Variants in COBL observed in about 807,000 individuals in gnomAD.
COBL encodes cordon-bleu WH2 repeat protein.
In COBL, 51 loss-of-function variants were observed where a neutral mutation model predicts 98.8. The ratio of observed to expected loss-of-function variants is 0.52; its 90% CI spans 0.41 to 0.65. The LOEUF (loss-of-function observed/expected upper bound fraction) is 0.65. Ranked by LOEUF, COBL falls within the 30% of genes least tolerant of loss-of-function variation. The probability of loss-of-function intolerance (pLI) is 0.00; values close to 1 mark genes in which losing one functional copy is unlikely to be tolerated. For synonymous variants in COBL, 634 were observed against 651.7 expected (o/e 0.97, Z 0.41); for missense variants, 1,617 against 1,617.5 (o/e 1.00, Z 0.01).
In COBL at chr7:51,017,412, C is replaced by A; in HGVS notation, c.*139G>T. Reference sequence around the variant, plus strand: ...TTCAAGCCGTTATACAGGAACACACCGAAAATCAACTGTGCGCATTTGGCC... The same window carrying A: ...TTCAAGCCGTTATACAGGAACACACAGAAAATCAACTGTGCGCATTTGGCC... On this transcript the variant is annotated 3_prime_UTR_variant, in exon 13 of 13. Coordinates refer to ENST00000265136, the MANE Select transcript of COBL (RefSeq NM_015198.5). 1 of 779,766 alleles carries A rather than the reference C, an allele frequency of 1.3e-6. No individual in the cohort carries two copies. The highest frequency in any genetic ancestry group is 2.5e-5 in the East Asian group (1 of 39,710). 48.3% of individuals were successfully genotyped at this position (779,766 alleles called of 1,614,324 possible). A position where few individuals can be genotyped will look rare whatever the true frequency, so the allele number is the denominator to read the frequency against.
chr7:51,266,994 G>A (rs1798274980), intron 1 of COBL, among the ~76,000 whole-genome samples: 1 of 152,048 alleles, frequency 6.6e-6, no homozygotes, highest in African/African-American at 2.4e-5. Context: ...TTGTATCATG[G>A]TCAGGATTTC....
chr7:51,049,298 C>T lies in COBL; in HGVS notation c.1097-5606G>A, dbSNP rs546544597. ...GGTTTGCCCATCTCAGGAAAGTGCA[C>T]CCCAGTGAGTTTCCTGATGGGTGAG... On this transcript the variant is annotated intron_variant, in intron 7 of 12. Coordinates refer to ENST00000265136, the MANE Select transcript of COBL (RefSeq NM_015198.5). Among the ~76,000 whole-genome samples, 11 of 152,244 alleles carry T rather than the reference C, an allele frequency of 7.2e-5. No individual in the cohort carries two copies. The East Asian group carries it at 1.7e-3, about 24-fold the overall frequency.
chr7:51,130,472 A>G (rs1047039759), intron 6 of COBL, among the ~76,000 whole-genome samples: 2 of 152,246 alleles, frequency 1.3e-5, no homozygotes, highest in Non-Finnish European at 2.9e-5. Context: ...AGAAGTCTGC[A>G]AAGATGAGTA....
intron 6 of COBL, among the ~76,000 whole-genome samples, chr7:51,121,230 T>C (rs548502835): frequency 6.6e-6 from 1 of 152,356 alleles, no homozygotes; most frequent in East Asian, 1.9e-4. Flanking sequence ...GGGTATGAGA[T>C]GGTATCTCAT....
intron 5 of COBL, among the ~76,000 whole-genome samples, chr7:51,142,856 G>A (rs988181897): frequency 6.6e-6 from 1 of 152,124 alleles, no homozygotes; most frequent in East Asian, 1.9e-4. Flanking sequence ...AAATTAAAAG[G>A]AAATGAGCCC....
At chr7:51,099,911 G>T (rs1795663095) in intron 6 of COBL, among the ~76,000 whole-genome samples, 1 of 152,048 alleles carries the variant, frequency 6.6e-6, no homozygotes. Flanking sequence ...TAACTTGTAA[G>T]ACTTTTCTAG....
At chr7:51,119,702 C>T (rs973800934) in intron 6 of COBL, among the ~76,000 whole-genome samples, 1 of 152,098 alleles carries the variant, frequency 6.6e-6, no homozygotes, top group African/African-American at 2.4e-5. Context: ...AGATGTTCAC[C>T]AAATTATTCC....
chr7:51,128,590 A>G (rs938465913), intron 6 of COBL, among the ~76,000 whole-genome samples: 1 of 152,216 alleles, frequency 6.6e-6, no homozygotes, highest in Non-Finnish European at 1.5e-5. Context: ...TTGTGTGGCC[A>G]TTGCACCCAT....
intron 5 of COBL, among the ~76,000 whole-genome samples, chr7:51,154,596 T>C (rs1785920205): frequency 6.6e-6 from 1 of 152,150 alleles, no homozygotes; most frequent in Non-Finnish European, 1.5e-5. Flanking sequence ...TGTGGGCACC[T>C]CCCCTCCTCT....
chr7:51,111,111 A>G (rs1172113874), intron 6 of COBL, among the ~76,000 whole-genome samples: 1 of 152,186 alleles, frequency 6.6e-6, no homozygotes, highest in Non-Finnish European at 1.5e-5. Flanking sequence ...AGGTGATACC[A>G]TATCTTGACT....
chr7:51,094,394 AAGTT>A (rs1795093074), intron 6 of COBL, among the ~76,000 whole-genome samples: 1 of 152,178 alleles, frequency 6.6e-6, no homozygotes, highest in Non-Finnish European at 1.5e-5. Flanking sequence ...CCACAAAAAA[AAGTT>A]AGTGAGGTAA....
At position 51,028,842 on chromosome 7, in the gene COBL, G is replaced by A. The variant is rs1270196044; in HGVS notation, c.2254C>T (p.Leu752=). 6.2e-7 allele frequency: 1 copy of A among 1,614,250 alleles called. No individual in the cohort carries two copies. Among genetic ancestry groups the A allele is most frequent in the Non-Finnish European group, 8.5e-7 (1 of 1,180,044 alleles). Residue 752 remains leucine (L), a synonymous_variant, in exon 10 of 13, where the codon CTG becomes TTG. Coordinates refer to ENST00000265136, the MANE Select transcript of COBL (RefSeq NM_015198.5). ...PHATGIRIIS[L]SSSVPEAESQ... is the part of the protein sequence containing the mutation. ...TCTGCTTCAGGCACAGACGAAGACA[G>A]GGAAATGATCCTGATGCCGGTGGCG...
At chr7:51,111,730 C>T (rs192381626) in intron 6 of COBL, among the ~76,000 whole-genome samples, 277 of 152,272 alleles carry the variant, frequency 1.8e-3, no homozygotes, top group African/African-American at 5.9e-3. Flanking sequence ...TCTTCTTAGA[C>T]GGGGCCTCCT....
intron 6 of COBL, among the ~76,000 whole-genome samples, chr7:51,092,910 A>G (rs933717681): frequency 6.7e-6 from 1 of 149,788 alleles, no homozygotes; most frequent in Non-Finnish European, 1.5e-5. Context: ...ATCCATGAAC[A>G]TGAAACATCT....
intron 1 of COBL, among the ~76,000 whole-genome samples, chr7:51,265,655 G>A (rs1226057766): frequency 6.6e-6 from 1 of 152,210 alleles, no homozygotes; most frequent in African/African-American, 2.4e-5. Context: ...GGTGCCCAGA[G>A]GGGAAGAAGG....
intron 4 of COBL, chr7:51,188,078 G>A (rs1789719784): frequency 1.3e-6 from 1 of 796,494 alleles, no homozygotes; most frequent in Non-Finnish European, 1.7e-6. Flanking sequence ...CAGTGAGAAG[G>A]TCTCTTGCTG....
At chr7:51,261,064 G>C (rs1430652947) in intron 1 of COBL, among the ~76,000 whole-genome samples, 1 of 152,136 alleles carries the variant, frequency 6.6e-6, no homozygotes, top group Non-Finnish European at 1.5e-5. Context: ...CACACTGCCT[G>C]CCTTCCTGCT....
At chr7:51,148,281 T>C (rs1034704422) in intron 5 of COBL, among the ~76,000 whole-genome samples, 10 of 152,074 alleles carry the variant, frequency 6.6e-5, no homozygotes, top group African/African-American at 2.4e-4. Context: ...GGGGACCCAT[T>C]TCCCCTCATC....
chr7:51,049,039 T>C (rs1789988631), intron 7 of COBL, among the ~76,000 whole-genome samples: 1 of 152,128 alleles, frequency 6.6e-6, no homozygotes, highest in Non-Finnish European at 1.5e-5. Context: ...TTCCATTAGG[T>C]TTCTAAAACT....
Sources: allele counts gnomAD v4.1 joint callset (sites outside exome capture counted in the v4.1 genomes callset), GRCh38; gene constraint gnomAD v4.1.1; transcripts MANE v1.5; gene names NCBI Gene and HGNC (gene_info 2026-07-23, HGNC 2026-07-21).